Variants in DCC observed in about 807,000 individuals in gnomAD.
DCC encodes DCC netrin 1 receptor.
Under a neutral mutation model 172.5 loss-of-function variants are expected in DCC, and 58 were observed. That is an observed-to-expected ratio of 0.34 (90% CI 0.27 to 0.42). The LOEUF is 0.42. Among genes scored for constraint, DCC ranks in the 10% least tolerant of loss-of-function variants. The pLI is 1.00. For missense variants in DCC, 1,740 were observed against 1,791.0 expected (o/e 0.97, Z 0.51); for synonymous variants, 709 against 644.5 (o/e 1.10, Z -1.52).
At chr18:53,255,283 T>A (rs1169321788) in intron 12 of DCC, among the ~76,000 whole-genome samples, 4 of 151,826 alleles carry the variant, frequency 2.6e-5, no homozygotes, top group Admixed American at 1.3e-4. Flanking sequence ...GTTACATATG[T>A]ATACATGTAC....
chr18:52,928,643 G>A (rs62097871), intron 5 of DCC, among the ~76,000 whole-genome samples: 1,683 of 152,232 alleles, frequency 0.011, 17 homozygotes, highest in Middle Eastern at 0.017. Flanking sequence ...TTCAAACCAT[G>A]TGAGACATTT....
At chr18:52,408,769 G>A (rs1339323175) in intron 1 of DCC, among the ~76,000 whole-genome samples, 2 of 152,058 alleles carry the variant, frequency 1.3e-5, no homozygotes, top group Non-Finnish European at 2.9e-5. Flanking sequence ...TTAACTATTA[G>A]ATTTTCTTTC....
intron 9 of DCC, among the ~76,000 whole-genome samples, chr18:53,182,505 T>C (rs575549468): frequency 2.4e-4 from 36 of 152,342 alleles, no homozygotes; most frequent in Admixed American, 8.5e-4. Flanking sequence ...GAATATCCTT[T>C]ACATGTGCAA....
At chr18:53,342,090 A>T (rs907452830) in intron 15 of DCC, among the ~76,000 whole-genome samples, 14 of 152,178 alleles carry the variant, frequency 9.2e-5, no homozygotes, top group Admixed American at 7.2e-4. Flanking sequence ...ATATTAAACT[A>T]TAAAAAAGCT....
chr18:52,666,705 A>C (rs1374714894), intron 1 of DCC, among the ~76,000 whole-genome samples: 2 of 152,236 alleles, frequency 1.3e-5, no homozygotes, highest in Non-Finnish European at 2.9e-5. Context: ...AAAGCACAGA[A>C]TCAATTTGTC....
intron 27 of DCC, among the ~76,000 whole-genome samples, chr18:53,525,060 C>A (rs1816236775): frequency 6.6e-6 from 1 of 152,022 alleles, no homozygotes; most frequent in Admixed American, 6.6e-5. Flanking sequence ...GAATAGTTAG[C>A]CCTCTTTGAA....
At chr18:53,071,139 A>G (rs546365778) in intron 7 of DCC, among the ~76,000 whole-genome samples, 1 of 152,322 alleles carries the variant, frequency 6.6e-6, no homozygotes, top group African/African-American at 2.4e-5. Context: ...ACAATGACCT[A>G]TTTGAGCCAG....
intron 16 of DCC, among the ~76,000 whole-genome samples, chr18:53,391,212 A>G (rs186160319): frequency 1.3e-5 from 2 of 152,330 alleles, no homozygotes; most frequent in East Asian, 3.9e-4. Flanking sequence ...GAAAATAAAC[A>G]AAAAATTAGG....
intron 2 of DCC, among the ~76,000 whole-genome samples, chr18:52,795,801 A>AT (rs890725736): frequency 2.0e-5 from 3 of 151,424 alleles, no homozygotes; most frequent in Non-Finnish European, 3.0e-5. Flanking sequence ...TTTCGTTCTT[A>AT]TTTTTTCCAA....
intron 2 of DCC, among the ~76,000 whole-genome samples, chr18:52,778,936 T>A (rs373986992): frequency 5.3e-5 from 8 of 152,334 alleles, no homozygotes; most frequent in East Asian, 3.9e-4. Context: ...CTTTTCCCAC[T>A]GCTTTCCAGT....
chr18:52,892,137 C>CT (rs2039659604), intron 2 of DCC, among the ~76,000 whole-genome samples: 1 of 152,072 alleles, frequency 6.6e-6, no homozygotes, highest in African/African-American at 2.4e-5. Context: ...AACCACGCAT[C>CT]TTTTAAATAA....
intron 1 of DCC, among the ~76,000 whole-genome samples, chr18:52,484,620 G>A (rs1477472941): frequency 3.3e-5 from 5 of 151,924 alleles, no homozygotes; most frequent in African/African-American, 1.2e-4. Context: ...AAGATATAAG[G>A]AGTTGTACTA....
rs369427863 is a variant in DCC, at chr18:53,211,533, C to T, written c.1861+3716C>T. Reference sequence around the variant, plus strand: ...GGTCAGGAGATCTAAAGCATCCTGGCTAACATGGTGAAACCCACTCTCTAC... The same window carrying T: ...GGTCAGGAGATCTAAAGCATCCTGGTTAACATGGTGAAACCCACTCTCTAC... On this transcript the variant is annotated intron_variant, in intron 11 of 28. Coordinates refer to ENST00000442544, the MANE Select transcript of DCC (RefSeq NM_005215.4). Among the ~76,000 whole-genome samples, 3 of 152,156 alleles carry T rather than the reference C, an allele frequency of 2.0e-5. No individual in the cohort carries two copies. In the East Asian group the frequency reaches 5.8e-4, roughly 29 times the overall value.
intron 27 of DCC, among the ~76,000 whole-genome samples, chr18:53,511,193 A>G (rs1437497577): frequency 1.3e-5 from 2 of 152,176 alleles, no homozygotes; most frequent in Non-Finnish European, 2.9e-5. Flanking sequence ...TTCTCTCTCT[A>G]GGTTTTAGTT....
At chr18:52,928,100 T>C (rs1207585825) in intron 5 of DCC, among the ~76,000 whole-genome samples, 1 of 152,098 alleles carries the variant, frequency 6.6e-6, no homozygotes, top group Non-Finnish European at 1.5e-5. Context: ...AATAACAAGA[T>C]CATGGCCTTT....
chr18:53,161,723 A>G (rs944538109), intron 8 of DCC, among the ~76,000 whole-genome samples: 3 of 152,126 alleles, frequency 2.0e-5, no homozygotes, highest in African/African-American at 7.2e-5. Flanking sequence ...TGAAATCTTC[A>G]TATTTCTCAT....
At chr18:52,894,448 A>G (rs1220426380) in intron 2 of DCC, among the ~76,000 whole-genome samples, 4 of 150,350 alleles carry the variant, frequency 2.7e-5, no homozygotes, top group African/African-American at 9.7e-5. Flanking sequence ...GTATGTATTT[A>G]TATTATTTTT....
chr18:52,749,923 G>C (rs976162045), intron 1 of DCC, among the ~76,000 whole-genome samples: 1 of 152,146 alleles, frequency 6.6e-6, no homozygotes, highest in Non-Finnish European at 1.5e-5. Context: ...TGGAAATTGT[G>C]GGTATTACTC....
At chr18:53,170,008 T>G (rs933952959) in intron 8 of DCC, among the ~76,000 whole-genome samples, 19 of 152,184 alleles carry the variant, frequency 1.2e-4, no homozygotes, top group Admixed American at 9.2e-4. Flanking sequence ...TTGCTATATT[T>G]TGTTTACAGC....
Sources: gnomAD v4.1 joint callset for allele counts (sites outside exome capture counted in the v4.1 genomes callset) on GRCh38, gnomAD v4.1.1 for gene constraint, MANE v1.5 for transcripts, NCBI Gene and HGNC (gene_info 2026-07-23, HGNC 2026-07-21) for gene names.